Variants in TENM3 observed in about 807,000 individuals in gnomAD.
TENM3 encodes the protein teneurin transmembrane protein 3, also known as teneurin-3.
In TENM3, 63 loss-of-function variants were observed where a neutral mutation model predicts 255.1. That is an observed-to-expected ratio of 0.25 (90% CI 0.20 to 0.30). The LOEUF (loss-of-function observed/expected upper bound fraction) is 0.30. Ranked by LOEUF, TENM3 falls within the 10% of genes least tolerant of loss-of-function variation. The pLI is 1.00. For synonymous variants in TENM3, 1,306 were observed against 1,322.3 expected (o/e 0.99, Z 0.27); for missense variants, 2,929 against 3,461.1 (o/e 0.85, Z 3.86).
At chr4:181,799,754 G>A in the TENM3 span, among the ~76,000 whole-genome samples, 5 of 152,134 alleles carry the variant, frequency 3.3e-5, no homozygotes, top group Non-Finnish European at 7.4e-5. Context: ...AGTATGGGGA[G>A]GTTATTAAAT....
At chr4:181,813,745 G>A in the TENM3 span, among the ~76,000 whole-genome samples, 1 of 152,170 alleles carries the variant, frequency 6.6e-6, no homozygotes, top group African/African-American at 2.4e-5. Flanking sequence ...GGAGTGCAAA[G>A]AAGAAAATTC....
At chr4:182,650,699 G>A (rs1753175322) in intron 5 of TENM3, among the ~76,000 whole-genome samples, 1 of 148,658 alleles carries the variant, frequency 6.7e-6, no homozygotes, top group Admixed American at 6.8e-5. Flanking sequence ...CATAATGAGA[G>A]TCAAGGGCAT....
chr4:182,252,182 C>CAA (rs11322561), intron 1 of TENM3, among the ~76,000 whole-genome samples: 1 of 131,720 alleles, frequency 7.6e-6, no homozygotes, highest in African/African-American at 2.8e-5. Flanking sequence ...GACTCCATCT[C>CAA]AAAAAAAAAA....
At chr4:182,557,524 C>T (rs113558786) in intron 3 of TENM3, among the ~76,000 whole-genome samples, 25 of 152,172 alleles carry the variant, frequency 1.6e-4, no homozygotes, top group African/African-American at 5.8e-4. Context: ...CTCATTTCTA[C>T]GGAACCCTAA....
the TENM3 span, among the ~76,000 whole-genome samples, chr4:181,899,183 GTCTC>G: frequency 6.6e-6 from 1 of 151,618 alleles, no homozygotes; most frequent in Admixed American, 6.6e-5. Flanking sequence ...TTTTAATACT[GTCTC>G]TCTTCTTCTT....
At chr4:181,749,711 T>C in the TENM3 span, among the ~76,000 whole-genome samples, 1 of 152,182 alleles carries the variant, frequency 6.6e-6, no homozygotes, top group Non-Finnish European at 1.5e-5. Flanking sequence ...CTTTTGTGAA[T>C]ATTGCAAGAT....
intron 22 of TENM3, among the ~76,000 whole-genome samples, chr4:182,766,643 C>A (rs997658985): frequency 1.3e-5 from 2 of 152,148 alleles, no homozygotes; most frequent in African/African-American, 4.8e-5. Flanking sequence ...CCATCTATCA[C>A]TATGCTCAGC....
intron 3 of TENM3, among the ~76,000 whole-genome samples, chr4:182,535,440 G>T (rs1180053616): frequency 6.6e-6 from 1 of 152,110 alleles, no homozygotes; most frequent in Non-Finnish European, 1.5e-5. Flanking sequence ...TTTTCATAAA[G>T]AATTTTTATT....
chr4:181,626,362 A>G, the TENM3 span, among the ~76,000 whole-genome samples: 2 of 152,148 alleles, frequency 1.3e-5, no homozygotes, highest in Non-Finnish European at 2.9e-5. Context: ...TTGCGTTGCT[A>G]TTAAGGGATA....
chr4:182,010,793 G>A, the TENM3 span, among the ~76,000 whole-genome samples: 1 of 152,154 alleles, frequency 6.6e-6, no homozygotes, highest in South Asian at 2.1e-4. Context: ...TCCTTAGCAA[G>A]GTCCTATATG....
At chr4:181,819,009 AT>A in the TENM3 span, among the ~76,000 whole-genome samples, 1 of 152,032 alleles carries the variant, frequency 6.6e-6, no homozygotes, top group Non-Finnish European at 1.5e-5. Context: ...GGTCCCAGCT[AT>A]TTGTATTTAG....
chr4:181,745,641 G>A, the TENM3 span, among the ~76,000 whole-genome samples: 2 of 152,224 alleles, frequency 1.3e-5, no homozygotes, highest in African/African-American at 2.4e-5. Flanking sequence ...GATAGATAAG[G>A]AGAGAGCTTG....
chr4:182,326,876 G>C (rs1188951254), intron 2 of TENM3, among the ~76,000 whole-genome samples: 1 of 152,164 alleles, frequency 6.6e-6, no homozygotes, highest in African/African-American at 2.4e-5. Flanking sequence ...AATGTTCATG[G>C]TGTGGATAGT....
intron 4 of TENM3, among the ~76,000 whole-genome samples, chr4:182,616,935 T>C (rs1221275812): frequency 6.6e-6 from 1 of 152,202 alleles, no homozygotes; most frequent in East Asian, 1.9e-4. Flanking sequence ...TCCTATTCCT[T>C]TCATCATTCT....
chr4:182,487,271 G>A (rs1204903844), intron 3 of TENM3, among the ~76,000 whole-genome samples: 1 of 152,140 alleles, frequency 6.6e-6, no homozygotes, highest in Non-Finnish European at 1.5e-5. Flanking sequence ...GAAAGCCCGG[G>A]ATGAAGTGTG....
At chr4:182,381,856 G>A (rs1375259830) in intron 3 of TENM3, among the ~76,000 whole-genome samples, 2 of 152,218 alleles carry the variant, frequency 1.3e-5, no homozygotes, top group Admixed American at 6.5e-5. Flanking sequence ...CCACCACACC[G>A]GGCCTATAGC....
At chr4:181,985,051 G>A in the TENM3 span, among the ~76,000 whole-genome samples, 47 of 151,970 alleles carry the variant, frequency 3.1e-4, no homozygotes, top group Middle Eastern at 3.4e-3. Flanking sequence ...AAGAAAAATG[G>A]GCAATGCTCA....
chr4:182,015,599 C>T, the TENM3 span, among the ~76,000 whole-genome samples: 2 of 151,864 alleles, frequency 1.3e-5, no homozygotes, highest in Non-Finnish European at 2.9e-5. Flanking sequence ...CTCACTCTGT[C>T]GCCCAGGCTG....
chr4:182,746,901 C>A (rs1762047221), intron 19 of TENM3, among the ~76,000 whole-genome samples: 1 of 152,130 alleles, frequency 6.6e-6, no homozygotes, highest in Non-Finnish European at 1.5e-5. Context: ...ATTCCATTTG[C>A]TTAGTAAGTA....
Sources: gnomAD v4.1 joint callset for allele counts (sites outside exome capture counted in the v4.1 genomes callset) on GRCh38, gnomAD v4.1.1 for gene constraint, MANE v1.5 for transcripts, NCBI Gene and HGNC (gene_info 2026-07-23, HGNC 2026-07-21) for gene names.